DRG1: variants seen among roughly 807,000 people sequenced by gnomAD.
DRG1 encodes developmentally-regulated GTP-binding protein 1.
Under a neutral mutation model 38.8 loss-of-function variants are expected in DRG1, and 19 were observed. The observed-to-expected ratio is 0.49, with a 90% CI of 0.34 to 0.72. The LOEUF (loss-of-function observed/expected upper bound fraction) is 0.72. DRG1 is among the 30% of genes least tolerant of loss of function. The probability of loss-of-function intolerance (pLI) is 0.01; values close to 1 mark genes in which losing one functional copy is unlikely to be tolerated. For synonymous variants in DRG1, 167 were observed against 157.5 expected (o/e 1.06, Z -0.45); for missense variants, 299 against 444.8 (o/e 0.67, Z 2.95).
chr22:31,405,477 A>G (rs1198942331), intron 3 of DRG1, among the ~76,000 whole-genome samples: 1 of 150,962 alleles, frequency 6.6e-6, no homozygotes, highest in Non-Finnish European at 1.5e-5. Flanking sequence ...GGCCTTAATA[A>G]ATTTTCTGCC....
chr22:31,405,657 A>G (rs2049985423), intron 3 of DRG1, among the ~76,000 whole-genome samples: 1 of 147,568 alleles, frequency 6.8e-6, no homozygotes, highest in African/African-American at 2.4e-5. Context: ...TTAGGCTCAT[A>G]CTGTTGGGCA....
intron 6 of DRG1, among the ~76,000 whole-genome samples, chr22:31,426,178 A>G (rs963415968): frequency 3.3e-5 from 5 of 152,144 alleles, no homozygotes; most frequent in African/African-American, 1.2e-4. Flanking sequence ...TCCACAGAGG[A>G]TTGCTTCCAG....
At chr22:31,427,498 C>T (rs532312724) in intron 8 of DRG1, among the ~76,000 whole-genome samples, 2 of 152,212 alleles carry the variant, frequency 1.3e-5, no homozygotes, top group African/African-American at 4.8e-5. Context: ...GGTACTGAGC[C>T]CCCTTCTAAA....
At chr22:31,420,829 A>G (rs557061174) in intron 5 of DRG1, among the ~76,000 whole-genome samples, 2 of 152,324 alleles carry the variant, frequency 1.3e-5, no homozygotes, top group South Asian at 2.1e-4. Context: ...TTATATTCTA[A>G]TTGGATAGAA....
intron 1 of DRG1, among the ~76,000 whole-genome samples, chr22:31,400,007 C>T (rs986510457): frequency 6.6e-6 from 1 of 152,174 alleles, no homozygotes; most frequent in South Asian, 2.1e-4. Flanking sequence ...TCCGTTCCCC[C>T]TCCCAGTGTT....
At chr22:31,426,453 A>C in intron 6 of DRG1, 162 bp from the exon 7 acceptor site, 5 of 573,224 alleles carry the variant, frequency 8.7e-6, no homozygotes, top group Non-Finnish European at 1.2e-5. Context: ...TTCAACCCAT[A>C]GTTCACTTTT....
At chr22:31,427,264 T>G in intron 8 of DRG1, 82 bp downstream of exon 8, 1 of 1,515,802 alleles carries the variant, frequency 6.6e-7, no homozygotes, top group South Asian at 1.3e-5. Context: ...GATAGCATTT[T>G]AAAAAAGAAG....
At chr22:31,410,234 A>G (rs542564790) in intron 3 of DRG1, among the ~76,000 whole-genome samples, 1 of 152,110 alleles carries the variant, frequency 6.6e-6, no homozygotes, top group African/African-American at 2.4e-5. Context: ...AGGCGGGCAG[A>G]TCTCGAGTTC....
intron 3 of DRG1, among the ~76,000 whole-genome samples, chr22:31,406,243 G>T (rs1466991919): frequency 6.6e-6 from 1 of 151,864 alleles, no homozygotes; most frequent in African/African-American, 2.4e-5. Context: ...CTCATGATCT[G>T]CCTGCCTCGA....
intron 6 of DRG1, 146 bp from the exon 7 acceptor site, chr22:31,426,469 T>G (rs1176326046): frequency 3.0e-6 from 2 of 669,730 alleles, no homozygotes; most frequent in African/African-American, 3.6e-5. Flanking sequence ...CTTTTTCTTT[T>G]TCTTTTTTCT....
intron 8 of DRG1, among the ~76,000 whole-genome samples, chr22:31,431,183 T>C (rs568800044): frequency 6.3e-4 from 96 of 151,758 alleles, no homozygotes; most frequent in Admixed American, 1.3e-3. Context: ...TACAGGTGCC[T>C]GCCACCATGC....
At position 31,411,032 on chromosome 22, in the gene DRG1, C is replaced by T. The variant is rs901759500; in HGVS notation, c.363C>T (p.Ile121=). 2.5e-6 allele frequency: 4 copies of T among 1,613,744 alleles called. No individual in the cohort carries two copies. The African/African-American group carries it at 5.3e-5, about 22-fold the overall frequency. ...TGCAGCTCCTGGATCTCCCAGGTAT[C>T]ATTGAAGGTGCCAAGGATGGGAAAG... The part of the protein sequence containing the change: ...AKIQLLDLPG[I]IEGAKDGKGR... The change falls in exon 4 of 9, where the codon ATC becomes ATT. Residue 121 remains isoleucine (I), a synonymous_variant. Transcript: ENST00000331457.
intron 8 of DRG1, among the ~76,000 whole-genome samples, chr22:31,432,361 C>T (rs2050143890): frequency 6.6e-6 from 1 of 151,446 alleles, no homozygotes; most frequent in African/African-American, 2.4e-5. Context: ...ATCCCTTTTC[C>T]ATTTCCTTCA....
chr22:31,416,910 A>T (rs1175174837), intron 4 of DRG1, among the ~76,000 whole-genome samples: 2 of 151,228 alleles, frequency 1.3e-5, no homozygotes, highest in African/African-American at 4.9e-5. Context: ...AAAAAAAAAA[A>T]AAAAAATAGC....
intron 6 of DRG1, among the ~76,000 whole-genome samples, chr22:31,425,474 CTT>C (rs2050104986): frequency 6.9e-6 from 1 of 145,946 alleles, no homozygotes; most frequent in Non-Finnish European, 1.5e-5. Flanking sequence ...GAGTCATGCT[CTT>C]GTCGCCCAGG....
At chr22:31,423,633 T>G (rs1344400139) in intron 6 of DRG1, among the ~76,000 whole-genome samples, 2 of 150,786 alleles carry the variant, frequency 1.3e-5, no homozygotes, top group Non-Finnish European at 2.9e-5. Flanking sequence ...TTCAAGAGAT[T>G]CTTCTGCCTC....
chr22:31,401,470 T>C (rs1369515366), intron 2 of DRG1, among the ~76,000 whole-genome samples: 4 of 150,814 alleles, frequency 2.7e-5, no homozygotes, highest in Non-Finnish European at 4.4e-5. Context: ...TCCCAGCTAT[T>C]TGAGAGGCTG....
In DRG1 at chr22:31,399,633, C is replaced by G; in HGVS notation, c.-51C>G. ...GCGCCTGGTGGCGGTGGCAGTTTGC[C>G]CGCGGGTGTGTGAAGGGAGACAGTG... On this transcript the variant is annotated 5_prime_UTR_variant, in exon 1 of 9. Coordinates refer to ENST00000331457, the MANE Select transcript of DRG1 (RefSeq NM_004147.4). 6.2e-7 allele frequency: 1 copy of G among 1,613,742 alleles called. No individual in the cohort carries two copies. Among genetic ancestry groups the G allele is most frequent in the East Asian group, 2.2e-5 (1 of 44,878 alleles).
At chr22:31,412,150 C>T (rs529411809) in intron 4 of DRG1, among the ~76,000 whole-genome samples, 525 of 150,898 alleles carry the variant, frequency 3.5e-3, no homozygotes, top group Middle Eastern at 0.01. Context: ...AAAAATTAAC[C>T]GGGAGTGGTG....
Sources: allele counts gnomAD v4.1 joint callset (sites outside exome capture counted in the v4.1 genomes callset), GRCh38; gene constraint gnomAD v4.1.1; transcripts MANE v1.5; gene names NCBI Gene and HGNC (gene_info 2026-07-23, HGNC 2026-07-21).